Variants in LRRC53 observed in about 807,000 individuals in gnomAD.
LRRC53 encodes leucine rich repeat containing 53, also known as leucine-rich repeat-containing protein 53.
In LRRC53, 25 loss-of-function variants were observed where a neutral mutation model predicts 13.6. That is an observed-to-expected ratio of 1.83 (90% CI 1.34 to 2.56). LRRC53 has a LOEUF of 2.56. LRRC53 is among the 30% of genes most tolerant of loss of function. The pLI is 0.00. For missense variants in LRRC53, 527 were observed against 275.8 expected, an observed-to-expected ratio of 1.91 and a Z score of -6.45; for synonymous variants, 204 against 109.8, an observed-to-expected ratio of 1.86 and a Z score of -5.37.
intron 4 of LRRC53, among the ~76,000 whole-genome samples, chr1:74,473,760 C>T (rs1668053746): frequency 6.6e-6 from 1 of 152,022 alleles, no homozygotes; most frequent in African/African-American, 2.4e-5. Context: ...GAAGGTTGGA[C>T]TAGATGGGAG....
At chr1:74,536,224 C>T in the LRRC53 span, among the ~76,000 whole-genome samples, 1 of 152,062 alleles carries the variant, frequency 6.6e-6, no homozygotes. Context: ...TTTAAATGCC[C>T]TGGTTCATGT....
the LRRC53 span, among the ~76,000 whole-genome samples, chr1:74,532,247 A>G: frequency 6.6e-6 from 1 of 152,180 alleles, no homozygotes; most frequent in African/African-American, 2.4e-5. Flanking sequence ...TGTTGGATAA[A>G]GGAAAGTATC....
At chr1:74,499,118 G>T (rs1455274920) in intron 1 of LRRC53, among the ~76,000 whole-genome samples, 1 of 152,084 alleles carries the variant, frequency 6.6e-6, no homozygotes, top group Non-Finnish European at 1.5e-5. Context: ...GTGCACACTG[G>T]GTTACAAGGG....
intron 1 of LRRC53, among the ~76,000 whole-genome samples, chr1:74,494,878 T>C (rs1286979718): frequency 1.3e-5 from 2 of 151,992 alleles, no homozygotes; most frequent in Non-Finnish European, 2.9e-5. Flanking sequence ...AGAATATAGG[T>C]CCAAAAATGT....
chr1:74,518,087 C>T, the LRRC53 span, among the ~76,000 whole-genome samples: 1 of 152,128 alleles, frequency 6.6e-6, no homozygotes, highest in African/African-American at 2.4e-5. Flanking sequence ...GTGCAGGTTA[C>T]TAGAGGACAG....
intron 1 of LRRC53, among the ~76,000 whole-genome samples, chr1:74,488,624 A>G (rs981143112): frequency 3.3e-5 from 5 of 152,156 alleles, no homozygotes; most frequent in African/African-American, 1.2e-4. Flanking sequence ...ACTTTTTTTT[A>G]ACCAAACTCG....
chr1:74,489,317 A>G, intron 1 of LRRC53: 1 of 1,518,498 alleles, frequency 6.6e-7, no homozygotes, highest in South Asian at 1.2e-5. Context: ...CAGGGAATGT[A>G]GATGAGCTGG....
intron 1 of LRRC53, among the ~76,000 whole-genome samples, chr1:74,498,948 T>C (rs1669472552): frequency 6.6e-6 from 1 of 152,208 alleles, no homozygotes; most frequent in African/African-American, 2.4e-5. Flanking sequence ...ACGCTTATTT[T>C]AGCATGAAAT....
chr1:74,534,908 T>C, the LRRC53 span, among the ~76,000 whole-genome samples: 1 of 152,188 alleles, frequency 6.6e-6, no homozygotes, highest in Admixed American at 6.5e-5. Flanking sequence ...CTAAATGCAA[T>C]GGTTCCTTCA....
intron 3 of LRRC53, 60 bp from the exon 4 acceptor site, chr1:74,475,870 C>CA: frequency 1.9e-6 from 1 of 537,018 alleles, no homozygotes; most frequent in Non-Finnish European, 3.4e-6. Flanking sequence ...CATAAATCAT[C>CA]AAATGTAAAA....
At chr1:74,522,191 C>T in the LRRC53 span, among the ~76,000 whole-genome samples, 1 of 152,152 alleles carries the variant, frequency 6.6e-6, no homozygotes, top group Non-Finnish European at 1.5e-5. Flanking sequence ...CTTGATGAAT[C>T]AGGGCCAGAC....
chr1:74,510,512 A>C (rs1419962333), intron 1 of LRRC53, among the ~76,000 whole-genome samples: 1 of 152,188 alleles, frequency 6.6e-6, no homozygotes, highest in Non-Finnish European at 1.5e-5. Flanking sequence ...CGTCTCAAAA[A>C]AGAATAAAAT....
the LRRC53 span, among the ~76,000 whole-genome samples, chr1:74,527,798 T>C: frequency 1.1e-4 from 17 of 152,206 alleles, no homozygotes; most frequent in Admixed American, 3.3e-4. Flanking sequence ...TCCAAAACCA[T>C]TGGACAGGGC....
chr1:74,528,505 G>T, the LRRC53 span, among the ~76,000 whole-genome samples: 1 of 152,116 alleles, frequency 6.6e-6, no homozygotes, highest in East Asian at 1.9e-4. Context: ...AGTGGGGAAA[G>T]GGTACAACAG....
chr1:74,483,306 C>T lies in LRRC53; in HGVS notation c.44G>A (p.Cys15Tyr). The T allele has an allele frequency of 1.4e-6, 1 of 717,516 alleles. No individual in the cohort carries two copies. Among genetic ancestry groups the T allele is most frequent in the Non-Finnish European group, 2.6e-6 (1 of 384,992 alleles). The allele number at this position is 717,516 out of a possible 1,614,324, so 44.4% of individuals were successfully genotyped here. A position where few individuals can be genotyped will look rare whatever the true frequency, so the allele number is the denominator to read the frequency against. ...GTGACAGAGGGTTACATCTTTGGTGCACACCACACATGACTCAGGGCAAGC... is the reference window on the plus strand; with the variant it reads ...GTGACAGAGGGTTACATCTTTGGTGTACACCACACATGACTCAGGGCAAGC... Reference protein sequence around the residue: ...VAACPESCVVCTKDVTLCHQL... With the variant: ...VAACPESCVVYTKDVTLCHQL... Residue 15 changes from cysteine to tyrosine, a missense_variant, in exon 2 of 5, where the codon TGC (cysteine) becomes TAC (tyrosine). By Grantham distance (194) the Cys-to-Tyr change is radical. Coordinates refer to ENST00000294635, the MANE Select transcript of LRRC53 (RefSeq NM_001382280.1).
chr1:74,501,209 T>C (rs529214962), intron 1 of LRRC53, among the ~76,000 whole-genome samples: 13 of 152,346 alleles, frequency 8.5e-5, no homozygotes, highest in African/African-American at 3.1e-4. Flanking sequence ...TTTTTTCAGA[T>C]CTGTCTTCCA....
the LRRC53 span, among the ~76,000 whole-genome samples, chr1:74,527,396 C>G: frequency 2.0e-5 from 3 of 152,122 alleles, no homozygotes; most frequent in Non-Finnish European, 2.9e-5. Context: ...AGAAACAAGG[C>G]ATAGTAGAAA....
chr1:74,481,055 C>G (rs973148564), intron 2 of LRRC53, 87 bp from the exon 3 acceptor site: 1 of 610,702 alleles, frequency 1.6e-6, no homozygotes, highest in African/African-American at 1.9e-5. Context: ...TCAATATCCT[C>G]TGAGCAATCT....
chr1:74,470,409 A>G lies in LRRC53; in HGVS notation c.3213T>C (p.Thr1071=), dbSNP rs1245943576. 1 of 400,582 alleles carries G rather than the reference A, an allele frequency of 2.5e-6. No individual in the cohort carries two copies. The highest frequency in any genetic ancestry group is 4.4e-6 in the Non-Finnish European group (1 of 226,200). The allele number at this position is 400,582 out of a possible 1,614,324, so 24.8% of individuals were successfully genotyped here. Residue 1071 remains threonine (T), a synonymous_variant, in exon 5 of 5, where the codon ACT becomes ACC. Transcript: ENST00000294635. ...CTACTATTTTTATCTCTAGTGCTTCAGTGCCGTCATTTCTGGGCAATGCAT... is the reference window on the plus strand; with the variant it reads ...CTACTATTTTTATCTCTAGTGCTTCGGTGCCGTCATTTCTGGGCAATGCAT... ...STNALPRNDG[T]EALEIKIVGK...
Sources: allele counts gnomAD v4.1 joint callset (sites outside exome capture counted in the v4.1 genomes callset), GRCh38; gene constraint gnomAD v4.1.1; transcripts MANE v1.5; gene names NCBI Gene and HGNC (gene_info 2026-07-23, HGNC 2026-07-21).